ZMPSTE24: variants seen among roughly 807,000 people sequenced by gnomAD.
The protein encoded by ZMPSTE24 is zinc metallopeptidase STE24, also known as CAAX prenyl protease 1 homolog.
A neutral mutation model predicts 56.7 loss-of-function variants in ZMPSTE24; 48 were observed. That is an observed-to-expected ratio of 0.85 (90% CI 0.67 to 1.08). The LOEUF (loss-of-function observed/expected upper bound fraction) is 1.08, where lower values mean the gene tolerates loss of function less well. ZMPSTE24 is among the 50% of genes least tolerant of loss of function. ZMPSTE24 has a pLI of 0.00. For missense variants in ZMPSTE24, 503 were observed against 548.7 expected, an observed-to-expected ratio of 0.92 and a Z score of 0.83; for synonymous variants, 172 against 195.2, an observed-to-expected ratio of 0.88 and a Z score of 0.99.
Position 40,290,917 on chromosome 1 carries a change from G to A in ZMPSTE24, c.1123G>A (p.Ala375Thr), listed in dbSNP as rs1297211758. 11 of 1,613,862 alleles carry A rather than the reference G, an allele frequency of 6.8e-6. No homozygotes were observed. Among genetic ancestry groups the A allele is most frequent in the Non-Finnish European group, 9.3e-6 (11 of 1,179,930 alleles). Residue 375 changes from alanine to threonine, a missense_variant, in exon 9 of 10, where the codon GCA becomes ACA. Transcript: ENST00000372759. ...VLIGRKELFA[A>T]FGFYDSQPTL... The stretch of plus-strand genomic sequence containing the variant: ...AATTGGTCGAAAGGAGCTTTTTGCT[G>A]CATTTGGTTTTTATGATAGCCAACC...
rs996301433 is a variant in ZMPSTE24, at chr1:40,290,450, A to ATTTTTTTTTTTTTTTTTTTTTTTTT, written c.1060-400_1060-376dup. ...TACCTTTCTTAAAATCACACTATGA[A>ATTTTTTTTTTTTTTTTTTTTTTTTT]TTTTTTTTTTTTTTTTTTTTTTTTT... is the stretch of plus-strand genomic sequence containing the variant. On this transcript the variant is annotated intron_variant, in intron 8 of 9. Coordinates refer to ENST00000372759, the MANE Select transcript of ZMPSTE24 (RefSeq NM_005857.5). 6.1e-5 allele frequency among the ~76,000 whole-genome samples: 5 copies of ATTTTTTTTTTTTTTTTTTTTTTTTT among 82,590 alleles called. 1 individual carries two copies. Among genetic ancestry groups the ATTTTTTTTTTTTTTTTTTTTTTTTT allele is most frequent in the African/African-American group, 1.2e-4 (2 of 17,216 alleles). 54.2% of individuals were successfully genotyped at this position (82,590 alleles called of 152,430 possible).
Position 40,268,535 on chromosome 1 carries a change from G to T in ZMPSTE24, c.474G>T (p.Gln158His). 1 of 1,568,578 alleles carries T rather than the reference G, an allele frequency of 6.4e-7. No individual in the cohort carries two copies. The highest frequency in any genetic ancestry group is 1.1e-5 in the South Asian group (1 of 89,882). ...AAGAAAAACATGGCTTCAATCAACA[G>T]GTATAATAAAGAATACAAATGTTCT... is the stretch of plus-strand genomic sequence containing the variant. ...VIEEKHGFNQ[Q>H]TLGFFMKDAI... Residue 158 changes from glutamine (Q) to histidine (H), a missense_variant and splice_region_variant, in exon 4 of 10, where the codon CAG becomes CAT. Coordinates refer to ENST00000372759, the MANE Select transcript of ZMPSTE24 (RefSeq NM_005857.5).
At chr1:40,281,284 C>T (rs1387329758) in intron 6 of ZMPSTE24, 59 bp from the exon 7 acceptor site, 2 of 1,547,092 alleles carry the variant, frequency 1.3e-6, no homozygotes, top group Non-Finnish European at 1.8e-6. Context: ...CTAGGAGTCT[C>T]TCCAAAGGAC....
intron 6 of ZMPSTE24, among the ~76,000 whole-genome samples, chr1:40,272,707 C>T (rs573613666): frequency 2.0e-5 from 3 of 152,222 alleles, no homozygotes; most frequent in Non-Finnish European, 2.9e-5. Flanking sequence ...AAGAAGACTA[C>T]GGAGATGTAG....
chr1:40,266,761 G>GGT (rs1643552523), intron 2 of ZMPSTE24, among the ~76,000 whole-genome samples: 1 of 88,116 alleles, frequency 1.1e-5, no homozygotes, highest in African/African-American at 4.8e-5. Flanking sequence ...TTTCGAACAA[G>GGT]TTTTTTTTTT....
Position 40,263,029 on chromosome 1 carries a change from G to C in ZMPSTE24, c.270+2044G>C. On this transcript the variant is annotated intron_variant, in intron 2 of 9. Transcript: ENST00000372759. ...GATGTTTGCTTCTTGGAAGTCCTTT[G>C]ACTTTACCCACTACAGGGCCATAGT... 4.1e-6 allele frequency: 4 copies of C among 983,662 alleles called. No homozygotes were observed. In the South Asian group the frequency reaches 1.8e-4, roughly 45 times the overall value. 60.9% of individuals were successfully genotyped at this position (983,662 alleles called of 1,614,324 possible).
chr1:40,258,423 C>A, intron 1 of ZMPSTE24, 29 bp downstream of exon 1: 1 of 1,613,746 alleles, frequency 6.2e-7, no homozygotes, highest in East Asian at 2.2e-5. Context: ...CAACCTGACC[C>A]CCATACCCGG....
chr1:40,291,780 A>G, intron 9 of ZMPSTE24, among the ~76,000 whole-genome samples: 1 of 151,860 alleles, frequency 6.6e-6, no homozygotes, highest in Non-Finnish European at 1.5e-5. Flanking sequence ...TTCATATAGC[A>G]TTGTCCACAT....
In ZMPSTE24 at chr1:40,281,474, G is replaced by A. The variant is rs1398961931; in HGVS notation, c.901G>A (p.Glu301Lys). 1 of 1,614,112 alleles carries A rather than the reference G, an allele frequency of 6.2e-7. No homozygotes were observed. Among genetic ancestry groups the A allele is most frequent in the South Asian group, 1.1e-5 (1 of 91,078 alleles). Residue 301 changes from glutamate (E) to lysine (K), a missense_variant, in exon 7 of 10, where the codon GAA (glutamate) becomes AAA (lysine). Physicochemically the swap from Glu to Lys is moderately conservative, Grantham distance 56. Coordinates refer to ENST00000372759, the MANE Select transcript of ZMPSTE24 (RefSeq NM_005857.5). The part of the protein sequence containing the change: ...NKDIQEDSGM[E>K]PRNEEEGNSE... ...AGACATCCAGGAGGATTCTGGCATGGAACCCCGCAATGAGGAAGAAGGGAA... is the reference window on the plus strand; with the variant it reads ...AGACATCCAGGAGGATTCTGGCATGAAACCCCGCAATGAGGAAGAAGGGAA...
At chr1:40,266,613 G>C (rs1407429200) in intron 2 of ZMPSTE24, among the ~76,000 whole-genome samples, 1 of 152,052 alleles carries the variant, frequency 6.6e-6, no homozygotes, top group Non-Finnish European at 1.5e-5. Context: ...CTGTTCCCCA[G>C]TTTAGTAAGT....
At chr1:40,265,316 G>A (rs757978957) in intron 2 of ZMPSTE24, among the ~76,000 whole-genome samples, 3 of 152,154 alleles carry the variant, frequency 2.0e-5, no homozygotes, top group Non-Finnish European at 2.9e-5. Context: ...GTCAGACAGT[G>A]GTACCAAAGC....
intron 4 of ZMPSTE24, among the ~76,000 whole-genome samples, chr1:40,269,041 A>C (rs1643585211): frequency 7.1e-6 from 1 of 140,758 alleles, no homozygotes; most frequent in Non-Finnish European, 1.5e-5. Context: ...TCGCCACTGC[A>C]CTCCAGCCTG....
chr1:40,274,266 G>T (rs1485279417), intron 6 of ZMPSTE24, among the ~76,000 whole-genome samples: 1 of 152,158 alleles, frequency 6.6e-6, no homozygotes, highest in Non-Finnish European at 1.5e-5. Flanking sequence ...TTTAATTGTT[G>T]TTAACAACAG....
chr1:40,292,349 T>C, intron 9 of ZMPSTE24, 96 bp from the exon 10 acceptor site: 1 of 1,204,568 alleles, frequency 8.3e-7, no homozygotes, highest in Non-Finnish European at 1.2e-6. Context: ...ATTCCTCTTA[T>C]CCCAAGCCAA....
Position 40,260,955 on chromosome 1 carries a change from G to T in ZMPSTE24, c.240G>T (p.Trp80Cys), listed in dbSNP as rs928372728. 6.2e-7 allele frequency: 1 copy of T among 1,614,134 alleles called. No individual in the cohort carries two copies. The highest frequency in any genetic ancestry group is 8.5e-7 in the Non-Finnish European group (1 of 1,180,014). Residue 80 changes from tryptophan to cysteine, a missense_variant, in exon 2 of 10, where the codon TGG (tryptophan) becomes TGT (cysteine). Physicochemically the swap from Trp to Cys is radical, Grantham distance 215. Transcript: ENST00000372759. ...YQLDKSTFSFWSGLYSETEGT... is the reference protein window; with the variant it reads ...YQLDKSTFSFCSGLYSETEGT... Reference sequence around the variant, plus strand: ...TGGATAAAAGCACTTTCAGCTTCTGGTCAGGACTCTATTCAGAGACTGAAG... The same window carrying T: ...TGGATAAAAGCACTTTCAGCTTCTGTTCAGGACTCTATTCAGAGACTGAAG...
intron 6 of ZMPSTE24, among the ~76,000 whole-genome samples, chr1:40,278,824 C>G (rs887919048): frequency 6.6e-6 from 1 of 152,096 alleles, no homozygotes; most frequent in African/African-American, 2.4e-5. Flanking sequence ...AAAAATCAAC[C>G]ATAGTTCAGG....
intron 4 of ZMPSTE24, 136 bp downstream of exon 4, chr1:40,268,671 A>G: frequency 1.5e-6 from 1 of 672,682 alleles, no homozygotes; most frequent in Non-Finnish European, 2.4e-6. Context: ...AGATATGGTA[A>G]AGATCATAGC....
At chr1:40,264,132 G>A (rs1569618839) in intron 2 of ZMPSTE24, among the ~76,000 whole-genome samples, 1 of 152,242 alleles carries the variant, frequency 6.6e-6, no homozygotes, top group East Asian at 1.9e-4. Flanking sequence ...TCAGAAGTTT[G>A]AGACCAGCCT....
At chr1:40,287,485 T>C (rs1569662997) in intron 8 of ZMPSTE24, among the ~76,000 whole-genome samples, 1 of 151,470 alleles carries the variant, frequency 6.6e-6, no homozygotes, top group Non-Finnish European at 1.5e-5. Flanking sequence ...GAGACCAGCC[T>C]GGCCAACATG....
Sources: gnomAD v4.1 joint callset for allele counts (sites outside exome capture counted in the v4.1 genomes callset) on GRCh38, gnomAD v4.1.1 for gene constraint, MANE v1.5 for transcripts, NCBI Gene and HGNC (gene_info 2026-07-23, HGNC 2026-07-21) for gene names.